The following GAS2 variants were observed in gnomAD, a reference collection of about 807,000 sequenced individuals.
GAS2 encodes the protein growth arrest specific 2.
A neutral mutation model predicts 37.5 loss-of-function variants in GAS2; 20 were observed. The observed-to-expected ratio is 0.53, with a 90% CI of 0.37 to 0.77. The LOEUF is 0.77. Among genes scored for constraint, GAS2 ranks in the 30% least tolerant of loss-of-function variants. The pLI, the probability that GAS2 is intolerant of heterozygous loss-of-function variation, is 0.00. For missense variants in GAS2, 336 were observed against 373.4 expected (o/e 0.90, Z 0.82); for synonymous variants, 144 against 132.2 (o/e 1.09, Z -0.61).
intron 6 of GAS2, among the ~76,000 whole-genome samples, chr11:22,753,029 A>G (rs1853831204): frequency 1.3e-5 from 2 of 152,072 alleles, no homozygotes; most frequent in Admixed American, 1.3e-4. Context: ...GTTCTCACAC[A>G]ATGAGTTGAA....
At chr11:22,658,310 T>C (rs2133842268) in intron 1 of GAS2, among the ~76,000 whole-genome samples, 1 of 152,312 alleles carries the variant, frequency 6.6e-6, no homozygotes. Context: ...ATTACAGGTG[T>C]GAGCCACTGT....
At chr11:22,783,504 A>G (rs1277000269) in intron 7 of GAS2, among the ~76,000 whole-genome samples, 1 of 152,082 alleles carries the variant, frequency 6.6e-6, no homozygotes, top group African/African-American at 2.4e-5. Context: ...ACTTAGCCAT[A>G]ATTTCTTTGC....
At chr11:22,664,835 G>A (rs146228383), upstream of GAS2, among the ~76,000 whole-genome samples, 217 of 152,120 alleles carry the variant, frequency 1.4e-3, 2 homozygotes, top group African/African-American at 4.5e-3. Flanking sequence ...CACTGTATCC[G>A]TGTCTCTTCA....
intron 7 of GAS2, among the ~76,000 whole-genome samples, chr11:22,770,171 G>A (rs1392375872): frequency 6.6e-6 from 1 of 152,160 alleles, no homozygotes; most frequent in Non-Finnish European, 1.5e-5. Context: ...AGGTGAGGAA[G>A]AGCATCAGAA....
chr11:22,787,710 T>C (rs186744532), intron 7 of GAS2, among the ~76,000 whole-genome samples: 160 of 152,302 alleles, frequency 1.1e-3, no homozygotes, highest in Middle Eastern at 3.4e-3. Context: ...ATTTAAACAA[T>C]GCAGCACTGC....
chr11:22,685,554 T>C (rs448264), intron 2 of GAS2, 114 bp from the exon 3 acceptor site: 338,521 of 1,071,118 alleles, frequency 0.32, 56,774 homozygotes, highest in African/African-American at 0.55. Flanking sequence ...CCTATCCCAG[T>C]TATGTAACTC....
At chr11:22,740,986 A>G (rs1261506643) in intron 5 of GAS2, among the ~76,000 whole-genome samples, 2 of 152,162 alleles carry the variant, frequency 1.3e-5, no homozygotes, top group Non-Finnish European at 2.9e-5. Context: ...TTGATAGACG[A>G]TGTATTCTTA....
chr11:22,789,452 A>ATTT (rs1242735681), intron 7 of GAS2, among the ~76,000 whole-genome samples: 1 of 74,236 alleles, frequency 1.3e-5, no homozygotes, highest in African/African-American at 5.2e-5. Flanking sequence ...ATATATATAT[A>ATTT]TATTCTTTTT....
At chr11:22,708,159 T>G (rs1333519649) in intron 3 of GAS2, among the ~76,000 whole-genome samples, 1 of 152,152 alleles carries the variant, frequency 6.6e-6, no homozygotes, top group Non-Finnish European at 1.5e-5. Context: ...TGAGACAATA[T>G]GATGATTAGG....
rs34122574 is a variant in GAS2, at chr11:22,782,766, C to CT, written c.723+26831dup. On this transcript the variant is annotated intron_variant, in intron 7 of 7. Coordinates refer to ENST00000454584, the MANE Select transcript of GAS2 (RefSeq NM_001143830.3). Reference sequence around the variant, plus strand: ...ATAATAATAATAATGTGATTTTGTTCTTTTTTTTTTTTTTTTTTGGCCGTA... The same window carrying CT: ...ATAATAATAATAATGTGATTTTGTTCTTTTTTTTTTTTTTTTTTTGGCCGTA... Among the ~76,000 whole-genome samples the CT allele has an allele frequency of 5.5e-3, 626 of 113,826 alleles. 5 individuals are homozygous for CT. Among genetic ancestry groups the CT allele is most frequent in the East Asian group, 0.024 (96 of 3,924 alleles). 74.7% of individuals were successfully genotyped at this position (113,826 alleles called of 152,430 possible).
intron 3 of GAS2, among the ~76,000 whole-genome samples, chr11:22,709,813 A>G (rs1367233731): frequency 6.6e-6 from 1 of 152,192 alleles, no homozygotes; most frequent in African/African-American, 2.4e-5. Flanking sequence ...CATATACACC[A>G]TGGAATACTA....
chr11:22,722,553 G>T (rs979301235), intron 3 of GAS2, among the ~76,000 whole-genome samples: 1 of 151,774 alleles, frequency 6.6e-6, no homozygotes, highest in African/African-American at 2.4e-5. Flanking sequence ...CAGCTTGACT[G>T]TTTTCTATTC....
At chr11:22,794,221 A>G (rs749234790) in intron 7 of GAS2, among the ~76,000 whole-genome samples, 4 of 150,658 alleles carry the variant, frequency 2.7e-5, no homozygotes, top group Non-Finnish European at 4.4e-5. Flanking sequence ...ACCTAATTTT[A>G]TTTTTATGAA....
chr11:22,632,613 A>G (rs1177395478), intron 1 of GAS2, among the ~76,000 whole-genome samples: 4 of 152,272 alleles, frequency 2.6e-5, no homozygotes, highest in African/African-American at 9.6e-5. Context: ...AAGCCAGGGA[A>G]GTTTTCCTTA....
intron 5 of GAS2, among the ~76,000 whole-genome samples, chr11:22,739,739 CT>C (rs746104154): frequency 2.6e-5 from 4 of 151,710 alleles, no homozygotes; most frequent in East Asian, 1.9e-4. Context: ...AGACAAAAAA[CT>C]TTTTTTTAGT....
intron 7 of GAS2, among the ~76,000 whole-genome samples, chr11:22,804,641 C>T (rs1042931790): frequency 6.6e-6 from 1 of 151,946 alleles, no homozygotes; most frequent in African/African-American, 2.4e-5. Context: ...AGAGTTAGAA[C>T]ATAGTGGGAG....
Position 22,773,542 on chromosome 11 carries a change from C to T in GAS2, c.723+17589C>T, listed in dbSNP as rs558745681. The stretch of plus-strand genomic sequence containing the variant: ...CCGAGTAGGTGGGACTGCAGGCGCC[C>T]GCCACCATGCCCGGCTAATATTTTG... On this transcript the variant is annotated intron_variant, in intron 7 of 7. Transcript: ENST00000454584. Among the ~76,000 whole-genome samples, 11 of 151,694 alleles carry T rather than the reference C, an allele frequency of 7.3e-5. No homozygotes were observed. In the East Asian group the frequency reaches 9.7e-4, roughly 13 times the overall value.
intron 7 of GAS2, among the ~76,000 whole-genome samples, chr11:22,810,868 A>G (rs528714456): frequency 1.3e-5 from 2 of 152,288 alleles, no homozygotes; most frequent in East Asian, 3.9e-4. Flanking sequence ...AACAGATTTT[A>G]TAGGCTCTAT....
intron 7 of GAS2, among the ~76,000 whole-genome samples, chr11:22,759,075 G>A (rs374898457): frequency 5.9e-5 from 9 of 151,914 alleles, no homozygotes; most frequent in African/African-American, 1.7e-4. Context: ...TTTATGTGTC[G>A]ACTTATGATT....
Sources: gnomAD v4.1 joint callset for allele counts (sites outside exome capture counted in the v4.1 genomes callset) on GRCh38, gnomAD v4.1.1 for gene constraint, MANE v1.5 for transcripts, NCBI Gene and HGNC (gene_info 2026-07-23, HGNC 2026-07-21) for gene names.